Variants in IGF2 observed in about 807,000 individuals in gnomAD.
IGF2 encodes the protein insulin like growth factor 2, also known as insulin-like growth factor 2.
A neutral mutation model predicts 12.0 loss-of-function variants in IGF2; 2 were observed. That is an observed-to-expected ratio of 0.17 (90% CI 0.07 to 0.52). The LOEUF is 0.52. Among genes scored for constraint, IGF2 ranks in the 20% least tolerant of loss-of-function variants. IGF2 has a pLI of 0.95. For missense variants in IGF2, 211 were observed against 268.0 expected (o/e 0.79, Z 1.48); for synonymous variants, 105 against 110.1 (o/e 0.95, Z 0.29).
At chr11:2,138,052 A>T (rs1294138099) in intron 1 of IGF2, among the ~76,000 whole-genome samples, 177 bp downstream of exon 1, 4 of 151,094 alleles carry the variant, frequency 2.6e-5, no homozygotes, top group African/African-American at 9.7e-5. Context: ...CCGCGCAGGG[A>T]ACGGGACCCG....
At chr11:2,147,657 G>T in the IGF2 span, 1 of 1,248,990 alleles carries the variant, frequency 8.0e-7, no homozygotes. The surrounding 1 kb of genome is among the most constrained non-coding windows in gnomAD (Gnocchi z 7.2). Context: ...GGCCACAGCA[G>T]CTCACCTCAG....
chr11:2,142,976 T>G (rs941744607), upstream of IGF2, among the ~76,000 whole-genome samples: 5 of 152,222 alleles, frequency 3.3e-5, no homozygotes, highest in South Asian at 6.2e-4. The surrounding 1 kb of genome is among the most constrained non-coding windows in gnomAD (Gnocchi z 5.7). Context: ...AGGGACCTGA[T>G]TCGTGGCCAG....
chr11:2,140,922 G>T, upstream of IGF2: 1 of 369,876 alleles, frequency 2.7e-6, no homozygotes, highest in Admixed American at 3.7e-5. Context: ...CGAACGCTCT[G>T]TGGCAGGCGG....
upstream of IGF2, chr11:2,140,125 C>G (rs369228865): frequency 6.2e-7 from 1 of 1,611,842 alleles, no homozygotes; most frequent in Non-Finnish European, 8.5e-7. Flanking sequence ...AAACACAGCT[C>G]AAATCCTACC....
chr11:2,148,812 C>T, the IGF2 span: 1 of 397,506 alleles, frequency 2.5e-6, no homozygotes, highest in African/African-American at 2.0e-5. This position sits in a 1 kb window ranked among gnomAD's most constrained non-coding sequence, Gnocchi z 4.3. Context: ...GGAAGAGCGG[C>T]CTAGCCCTCC....
upstream of IGF2, chr11:2,140,381 C>T (rs1019665514): frequency 4.6e-6 from 6 of 1,304,126 alleles, no homozygotes; most frequent in African/African-American, 1.5e-5. Context: ...ACCCCGCCAG[C>T]CCCCCGCCGC....
At chr11:2,145,048 C>T (rs562616986), upstream of IGF2, among the ~76,000 whole-genome samples, 7 of 152,258 alleles carry the variant, frequency 4.6e-5, no homozygotes, top group East Asian at 9.7e-4. Context: ...TTTCCACCCA[C>T]AGAACAAGAC....
chr11:2,142,949 G>T (rs1399395645), upstream of IGF2, among the ~76,000 whole-genome samples: 1 of 152,118 alleles, frequency 6.6e-6, no homozygotes, highest in Non-Finnish European at 1.5e-5. This position sits in a 1 kb window ranked among gnomAD's most constrained non-coding sequence, Gnocchi z 5.7. Flanking sequence ...GACCTGGGTG[G>T]CACTGTCTAC....
upstream of IGF2, chr11:2,146,170 C>T (rs115913655): frequency 2.5e-3 from 1,244 of 504,814 alleles, 18 homozygotes; most frequent in African/African-American, 0.021. Flanking sequence ...GCCCCAGCCT[C>T]GGCCTGTGGC....
At position 2,129,182 on chromosome 11, in the gene IGF2, G is replaced by A. The variant is rs1858366825; in HGVS notation, c.*3805C>T. ...AGGTTAAAGACAAAACCCAAGCATG[G>A]GATTTTGCCGGAAATATTAGCGTTA... On this transcript the variant is annotated 3_prime_UTR_variant, in exon 4 of 4. Coordinates refer to ENST00000416167, the MANE Select transcript of IGF2 (RefSeq NM_000612.6). This position sits in a 1 kb window ranked among gnomAD's most constrained non-coding sequence, Gnocchi z 8.1. The A allele has an allele frequency of 5.2e-6, 1 of 191,710 alleles. No homozygotes were observed. The highest frequency in any genetic ancestry group is 1.9e-4 in the South Asian group (1 of 5,158). The allele number at this position is 191,710 out of a possible 1,614,324, so 11.9% of individuals were successfully genotyped here. A position where few individuals can be genotyped will look rare whatever the true frequency, so the allele number is the denominator to read the frequency against.
chr11:2,135,654 A>G (rs1295478043), intron 1 of IGF2, 125 bp from the exon 2 acceptor site: 3 of 774,892 alleles, frequency 3.9e-6, no homozygotes, highest in South Asian at 1.8e-5. Flanking sequence ...CGGCTTTCCT[A>G]TAAACATTAT....
In IGF2 at chr11:2,134,911, A is replaced by G. The variant is rs547970984; in HGVS notation, c.157+456T>C. ...GCCACCCACCAACTGCACTTGTCTT[A>G]TTGATTTTAATTATATAAATCACTT... On this transcript the variant is annotated intron_variant, in intron 2 of 3. Coordinates refer to ENST00000416167, the MANE Select transcript of IGF2 (RefSeq NM_000612.6). 3.9e-5 allele frequency among the ~76,000 whole-genome samples: 6 copies of G among 152,340 alleles called. No homozygotes were observed. In the South Asian group the frequency reaches 1.2e-3, roughly 32 times the overall value.
intron 1 of IGF2, among the ~76,000 whole-genome samples, chr11:2,137,655 C>T (rs1859174757): frequency 6.6e-6 from 1 of 152,160 alleles, no homozygotes; most frequent in Non-Finnish European, 1.5e-5. Flanking sequence ...CAGCCCCTCT[C>T]CCCCTCTCCC....
upstream of IGF2, among the ~76,000 whole-genome samples, chr11:2,139,581 G>GC (rs1185190823): frequency 5.4e-5 from 8 of 147,380 alleles, 1 homozygote; most frequent in African/African-American, 1.7e-4. Context: ...GGCCCCGGGG[G>GC]GGGGGCGGCG....
At chr11:2,147,188 T>G in the IGF2 span, 2 of 161,992 alleles carry the variant, frequency 1.2e-5, no homozygotes, top group Admixed American at 6.4e-5. This position sits in a 1 kb window ranked among gnomAD's most constrained non-coding sequence, Gnocchi z 7.2. Flanking sequence ...TCCTTGGGTT[T>G]TTAGGTTCTT....
chr11:2,135,653 T>A, intron 1 of IGF2, 124 bp from the exon 2 acceptor site: 1 of 773,416 alleles, frequency 1.3e-6, no homozygotes, highest in Non-Finnish European at 2.1e-6. Flanking sequence ...ACGGCTTTCC[T>A]ATAAACATTA....
Position 2,133,381 on chromosome 11 carries a change from C to T in IGF2, c.306+136G>A, listed in dbSNP as rs751233294. 4.5e-5 allele frequency: 50 copies of T among 1,102,674 alleles called. No homozygotes were observed. Among genetic ancestry groups the T allele is most frequent in the African/African-American group, 9.5e-5 (6 of 62,918 alleles). The allele number at this position is 1,102,674 out of a possible 1,614,324, so 68.3% of individuals were successfully genotyped here. ...AAGGAGCCAGCGTCTGAGCTGCTCC[C>T]GGGCCACACAGCAAGCAAGGAAGTC... On this transcript the variant is annotated intron_variant, in intron 3 of 3. Transcript: ENST00000416167. The surrounding 1 kb of genome is among the most constrained non-coding windows in gnomAD (Gnocchi z 8.9).
At chr11:2,136,752 GC>G (rs1859087764) in intron 1 of IGF2, among the ~76,000 whole-genome samples, 1 of 152,246 alleles carries the variant, frequency 6.6e-6, no homozygotes, top group Non-Finnish European at 1.5e-5. Flanking sequence ...CTGGACCCTG[GC>G]CAGTCCTCTC....
Position 2,133,004 on chromosome 11 carries a change from C to A in IGF2, c.526G>T (p.Ala176Ser). The A allele has an allele frequency of 6.5e-7, 1 of 1,535,398 alleles. No homozygotes were observed. Among genetic ancestry groups the A allele is most frequent in the South Asian group, 1.2e-5 (1 of 80,352 alleles). The change falls in exon 4 of 4, where the codon GCC becomes TCC. Residue 176 changes from alanine to serine, a missense_variant. Ala to Ser is a moderately conservative substitution (Grantham distance 99). This residue lies in a region of IGF2 where 141 missense variants were observed against 153.1 expected (regional missense o/e 0.92). Coordinates refer to ENST00000416167, the MANE Select transcript of IGF2 (RefSeq NM_000612.6). The surrounding 1 kb of genome is among the most constrained non-coding windows in gnomAD (Gnocchi z 8.9). ...AGTTTTGCTCACTTCCGATTGCTGG[C>A]CATCTCTGGGGGGGCGCCCCCGTGG... The part of the protein sequence containing the change: ...PAHGGAPPEM[A>S]SNRK
Sources: gnomAD v4.1 joint callset for allele counts (sites outside exome capture counted in the v4.1 genomes callset) on GRCh38, gnomAD v4.1.1 for gene constraint, gnomAD v4.1.1 regional missense constraint, Gnocchi (gnomAD v3.1) non-coding constraint, MANE v1.5 for transcripts, NCBI Gene and HGNC (gene_info 2026-07-23, HGNC 2026-07-21) for gene names.